The following MSN variants were observed in gnomAD, a reference collection of about 807,000 sequenced individuals.
The protein encoded by MSN is moesin.
A neutral mutation model predicts 48.0 loss-of-function variants in MSN; 2 were observed. The observed-to-expected ratio is 0.04, with a 90% CI of 0.02 to 0.13. The LOEUF is 0.13. Among genes scored for constraint, MSN ranks in the 10% least tolerant of loss-of-function variants. The probability of loss-of-function intolerance (pLI) is 1.00; values close to 1 mark genes in which losing one functional copy is unlikely to be tolerated. For missense variants in MSN, 267 were observed against 470.1 expected, an observed-to-expected ratio of 0.57 and a Z score of 3.99; for synonymous variants, 146 against 166.9, an observed-to-expected ratio of 0.87 and a Z score of 0.97.
At chrX:65,679,872 C>T (rs2071037331) in intron 1 of MSN, among the ~76,000 whole-genome samples, 1 of 112,572 alleles carries the variant, frequency 8.9e-6, no homozygotes, top group African/African-American at 3.2e-5. Flanking sequence ...GTTCCTTGGG[C>T]ATCCTTGGGC....
chrX:65,740,326 T>C lies in MSN; in HGVS notation c.*433T>C, dbSNP rs2071723632. The stretch of plus-strand genomic sequence containing the variant: ...TACACGGTTGGAGTGTTATGCGGTC[T>C]AGGGAATGAGACAGGACCTAGGATA... On this transcript the variant is annotated 3_prime_UTR_variant, in exon 13 of 13. Coordinates refer to ENST00000360270, the MANE Select transcript of MSN (RefSeq NM_002444.3). The C allele has an allele frequency of 5.5e-6, 1 of 180,429 alleles. No homozygotes were observed. Among genetic ancestry groups the C allele is most frequent in the South Asian group, 3.1e-4 (1 of 3,267 alleles). 14.9% of individuals were successfully genotyped at this position (180,429 alleles called of 1,213,427 possible).
chrX:65,685,532 A>C (rs2071106498), intron 1 of MSN, among the ~76,000 whole-genome samples: 1 of 112,182 alleles, frequency 8.9e-6, no homozygotes, highest in Non-Finnish European at 1.9e-5. Flanking sequence ...GTCCGATGGT[A>C]GTGGGTTACC....
At chrX:65,642,451 C>T (rs776603054) in intron 1 of MSN, among the ~76,000 whole-genome samples, 4 of 109,086 alleles carry the variant, frequency 3.7e-5, no homozygotes, top group South Asian at 7.9e-4. Flanking sequence ...GGGCAGAGTC[C>T]GCCAGGGTCC....
chrX:65,605,056 G>C (rs1464801929), intron 1 of MSN, among the ~76,000 whole-genome samples: 4 of 112,409 alleles, frequency 3.6e-5, no homozygotes, highest in African/African-American at 9.7e-5. Flanking sequence ...TCTGTCCTGG[G>C]CTCCAGATTA....
chrX:65,606,609 C>T (rs774450064), intron 1 of MSN, among the ~76,000 whole-genome samples: 1 of 111,750 alleles, frequency 8.9e-6, no homozygotes, highest in East Asian at 2.8e-4. Context: ...TTTTAGTAGA[C>T]GAGGTTTTGC....
intron 1 of MSN, among the ~76,000 whole-genome samples, chrX:65,715,124 G>C (rs914356929): frequency 4.5e-5 from 5 of 110,865 alleles, no homozygotes; most frequent in African/African-American, 1.6e-4. Context: ...AAGATCAGAT[G>C]GTTGTAGGTG....
At chrX:65,695,928 A>G (rs2071233641) in intron 1 of MSN, among the ~76,000 whole-genome samples, 1 of 87,812 alleles carries the variant, frequency 1.1e-5, no homozygotes, top group Admixed American at 1.0e-4. Flanking sequence ...ATCCCTGTAC[A>G]TGCTGTCTCT....
chrX:65,739,161 A>G lies in MSN; in HGVS notation c.1536A>G (p.Ala512=), dbSNP rs774932208. The change falls in exon 12 of 13, where the codon GCA becomes GCG. Residue 512 remains alanine, a synonymous_variant. Coordinates refer to ENST00000360270, the MANE Select transcript of MSN (RefSeq NM_002444.3). ...DRSEEERTTE[A]EKNERVQKHL... ...GTGAGGAGGAACGTACCACTGAGGC[A>G]GAGAAGAATGAGCGTGTGCAGAAGC... 3 of 1,211,386 alleles carry G rather than the reference A, an allele frequency of 2.5e-6. No individual in the cohort carries two copies. The highest frequency in any genetic ancestry group is 3.4e-6 in the Non-Finnish European group (3 of 895,176).
intron 12 of MSN, among the ~76,000 whole-genome samples, 194 bp from the exon 13 acceptor site, chrX:65,739,535 G>A (rs1263275472): frequency 9.0e-6 from 1 of 110,499 alleles, no homozygotes; most frequent in African/African-American, 3.4e-5. Context: ...GGTCCCCTAA[G>A]TTTATTTATT....
chrX:65,631,200 A>G (rs547542135), intron 1 of MSN, among the ~76,000 whole-genome samples: 6 of 109,644 alleles, frequency 5.5e-5, no homozygotes, highest in Admixed American at 3.9e-4. Flanking sequence ...GGCTCAAACA[A>G]TTCTCCTGCC....
Position 65,590,289 on chromosome X carries a change from G to T in MSN, c.-22+1677G>T, listed in dbSNP as rs779293570. The stretch of plus-strand genomic sequence containing the variant: ...CCTTGCTGCTGGCTCAAGCTAAGTG[G>T]CAAGGAGACCCATACCCAGGACTTT... On this transcript the variant is annotated intron_variant, in intron 1 of 3. Coordinates refer to the MSN transcript ENST00000609672. Among the ~76,000 whole-genome samples, 21 of 111,463 alleles carry T rather than the reference G, an allele frequency of 1.9e-4. No homozygotes were observed. The South Asian group carries it at 6.8e-3, about 36-fold the overall frequency.
At chrX:65,610,050 C>T (rs1389635673) in intron 1 of MSN, among the ~76,000 whole-genome samples, 1 of 111,779 alleles carries the variant, frequency 8.9e-6, no homozygotes, top group Non-Finnish European at 1.9e-5. Flanking sequence ...ATTTATTGTA[C>T]CCGTTATTAC....
At chrX:65,612,854 T>G (rs1341671287) in intron 1 of MSN, among the ~76,000 whole-genome samples, 7 of 75,371 alleles carry the variant, frequency 9.3e-5, no homozygotes, top group African/African-American at 1.7e-4. Context: ...AACCATGGTG[T>G]TTTTTTTTTT....
Position 65,627,341 on chromosome X carries a change from C to T in MSN, c.-22+38729C>T, listed in dbSNP as rs143960995. Among the ~76,000 whole-genome samples the T allele has an allele frequency of 9.6e-3, 1,063 of 110,515 alleles. 12 individuals carry two copies. Among genetic ancestry groups the T allele is most frequent in the African/African-American group, 0.033 (1,017 of 30,411 alleles). On this transcript the variant is annotated intron_variant, in intron 1 of 3. Transcript: ENST00000609672. ...TTTCATGCTGCTGATAAAGACATAC[C>T]TGAGACTGTCGAGAAAAAGAGGTTT... is the stretch of plus-strand genomic sequence containing the variant.
At chrX:65,617,455 A>T (rs1259182104) in intron 1 of MSN, among the ~76,000 whole-genome samples, 1 of 102,741 alleles carries the variant, frequency 9.7e-6, no homozygotes, top group African/African-American at 4.5e-5. Flanking sequence ...GTGTCCAGGA[A>T]TTTATGCATT....
chrX:65,659,519 G>A (rs1024815087), intron 1 of MSN, among the ~76,000 whole-genome samples: 7 of 111,696 alleles, frequency 6.3e-5, no homozygotes, highest in African/African-American at 2.0e-4. Flanking sequence ...CAGACTTGCT[G>A]CAGCTCCAGA....
At chrX:65,612,867 G>GTTTT (rs1569453866) in intron 1 of MSN, among the ~76,000 whole-genome samples, 127 of 103,297 alleles carry the variant, frequency 1.2e-3, no homozygotes, top group African/African-American at 4.0e-3. Flanking sequence ...TTTTTTTTTG[G>GTTTT]GGGGGGGTAC....
chrX:65,706,482 T>C (rs1222333135), intron 1 of MSN, among the ~76,000 whole-genome samples: 2 of 111,531 alleles, frequency 1.8e-5, no homozygotes, highest in Non-Finnish European at 3.8e-5. Flanking sequence ...AGGTGGCAGG[T>C]GGAAATGAGG....
intron 1 of MSN, among the ~76,000 whole-genome samples, chrX:65,693,361 G>T (rs2071195262): frequency 8.9e-6 from 1 of 112,334 alleles, no homozygotes; most frequent in African/African-American, 3.2e-5. Flanking sequence ...AGCTTTTGAT[G>T]TGTTTGCTCT....
Sources: gnomAD v4.1 joint callset for allele counts (sites outside exome capture counted in the v4.1 genomes callset) on GRCh38, gnomAD v4.1.1 for gene constraint, MANE v1.5 for transcripts, NCBI Gene and HGNC (gene_info 2026-07-23, HGNC 2026-07-21) for gene names.